Variants in TMEM132C observed in about 807,000 individuals in gnomAD.
The protein encoded by TMEM132C is transmembrane protein 132C, also known as protein phosphatase 1, regulatory subunit 152.
A neutral mutation model predicts 61.4 loss-of-function variants in TMEM132C; 29 were observed. The observed-to-expected ratio is 0.47, with a 90% confidence interval of 0.35 to 0.64. The LOEUF is 0.64. Among genes scored for constraint, TMEM132C ranks in the 30% least tolerant of loss-of-function variants. TMEM132C has a pLI of 0.00. For synonymous variants in TMEM132C, 656 were observed against 633.1 expected (o/e 1.04, Z -0.54); for missense variants, 1,408 against 1,476.9 (o/e 0.95, Z 0.76).
At chr12:128,682,704 G>GCA (rs1954645652) in intron 5 of TMEM132C, among the ~76,000 whole-genome samples, 1 of 152,186 alleles carries the variant, frequency 6.6e-6, no homozygotes, top group Non-Finnish European at 1.5e-5. Flanking sequence ...GGAGTGGTGT[G>GCA]CACACACTCT....
chr12:128,663,106 A>G (rs1391783568), intron 4 of TMEM132C, among the ~76,000 whole-genome samples: 1 of 152,242 alleles, frequency 6.6e-6, no homozygotes, highest in Admixed American at 6.5e-5. Flanking sequence ...TATAATTCTC[A>G]TGCCATAAAA....
At chr12:128,318,237 C>T (rs1371742004) in intron 1 of TMEM132C, among the ~76,000 whole-genome samples, 3 of 152,086 alleles carry the variant, frequency 2.0e-5, no homozygotes, top group African/African-American at 7.2e-5. Flanking sequence ...GTTTCCTTTT[C>T]TTTTTTGCTG....
rs1012595287 is a variant in TMEM132C at position 128,634,159 on chromosome 12, G to A, written c.1305+17824G>A. On this transcript the variant is annotated intron_variant, in intron 4 of 8. Coordinates refer to ENST00000435159, the MANE Select transcript of TMEM132C (RefSeq NM_001136103.3). ...CGTGATCACAGCTCACTGCATCCTC[G>A]AACTCCTGGGTTCCAGTGATCCTCC... Among the ~76,000 whole-genome samples the A allele has an allele frequency of 2.0e-5, 3 of 152,160 alleles. 1 individual carries two copies. The highest frequency in any genetic ancestry group is 1.3e-4 in the Admixed American group (2 of 15,272).
In TMEM132C at chr12:128,657,185, C is replaced by T. The variant is rs575368603; in HGVS notation, c.1306-12232C>T. 2.6e-5 allele frequency among the ~76,000 whole-genome samples: 4 copies of T among 152,308 alleles called. No homozygotes were observed. In the South Asian group the frequency reaches 6.2e-4, roughly 24 times the overall value. On this transcript the variant is annotated intron_variant, in intron 4 of 8. Transcript: ENST00000435159. ...CCAAACATTTTGTCATACTTGTGAA[C>T]TCCCTCACCTCTCTGGAATTTGGGA...
chr12:128,470,617 C>T (rs1456077012), intron 2 of TMEM132C, among the ~76,000 whole-genome samples: 1 of 152,178 alleles, frequency 6.6e-6, no homozygotes, highest in African/African-American at 2.4e-5. Flanking sequence ...AGTCAAATCC[C>T]ATTGATACAT....
chr12:128,574,479 A>G (rs1049687949), intron 3 of TMEM132C, among the ~76,000 whole-genome samples: 9 of 152,226 alleles, frequency 5.9e-5, no homozygotes, highest in African/African-American at 1.9e-4. Flanking sequence ...ACTTTTGCAC[A>G]TGACTTCTTG....
chr12:128,435,431 T>C (rs1004120412), intron 2 of TMEM132C, among the ~76,000 whole-genome samples: 1 of 152,216 alleles, frequency 6.6e-6, no homozygotes, highest in African/African-American at 2.4e-5. Flanking sequence ...CTCCTTAAGC[T>C]GATAAGCAAC....
chr12:128,504,219 C>T (rs1341202511), intron 2 of TMEM132C, among the ~76,000 whole-genome samples: 3 of 152,114 alleles, frequency 2.0e-5, no homozygotes, highest in Non-Finnish European at 4.4e-5. Flanking sequence ...CCTGAATAAC[C>T]ATTGATGACC....
intron 1 of TMEM132C, among the ~76,000 whole-genome samples, chr12:128,338,777 T>TATATATATATATATATATA (rs1565905368): frequency 5.4e-5 from 8 of 149,158 alleles, no homozygotes; most frequent in African/African-American, 1.8e-4. Flanking sequence ...TATATATATA[T>TATATATATATATATATATA]TTTGCACAAA....
intron 2 of TMEM132C, among the ~76,000 whole-genome samples, chr12:128,441,890 T>C (rs1472742332): frequency 6.6e-6 from 1 of 151,880 alleles, no homozygotes; most frequent in African/African-American, 2.4e-5. Context: ...TAATCCCAGC[T>C]ACTTGGGAGG....
At chr12:128,471,396 C>T (rs907115173) in intron 2 of TMEM132C, among the ~76,000 whole-genome samples, 1 of 152,170 alleles carries the variant, frequency 6.6e-6, no homozygotes, top group Non-Finnish European at 1.5e-5. Flanking sequence ...AGTTGCTGCT[C>T]AAAGAATCAA....
Position 128,267,186 on chromosome 12 carries a change from C to G in TMEM132C, c.-217C>G, listed in dbSNP as rs948250027. On this transcript the variant is annotated 5_prime_UTR_variant, in exon 1 of 9. Transcript: ENST00000435159. ...GCTGCGGGAGAAAAGTTGTCCCGGC[C>G]GGAGCGCGAGCAGCGGCGGAGCCGG... is the stretch of plus-strand genomic sequence containing the variant. Among the ~76,000 whole-genome samples the G allele has an allele frequency of 1.4e-5, 2 of 146,524 alleles. No homozygotes were observed. The highest frequency in any genetic ancestry group is 2.1e-4 in the South Asian group (1 of 4,776).
chr12:128,446,630 T>G (rs891137195), intron 2 of TMEM132C, among the ~76,000 whole-genome samples: 4 of 152,194 alleles, frequency 2.6e-5, no homozygotes, highest in African/African-American at 9.7e-5. Flanking sequence ...TTAAGTAGAT[T>G]AGCTTTGCAG....
intron 2 of TMEM132C, among the ~76,000 whole-genome samples, chr12:128,524,565 A>G (rs917336389): frequency 6.6e-6 from 1 of 152,136 alleles, no homozygotes; most frequent in African/African-American, 2.4e-5. Flanking sequence ...GGTAGAATTC[A>G]TCAAACAGGA....
chr12:128,320,632 G>C (rs778712710), intron 1 of TMEM132C, among the ~76,000 whole-genome samples: 1 of 151,970 alleles, frequency 6.6e-6, no homozygotes, highest in Non-Finnish European at 1.5e-5. Context: ...AGTCAGGAGT[G>C]TTGGCTCATG....
rs1872546920 is a variant in TMEM132C at position 128,510,961 on chromosome 12, A to C, written c.975-32996A>C. Among the ~76,000 whole-genome samples, 3 of 152,146 alleles carry C rather than the reference A, an allele frequency of 2.0e-5. No individual in the cohort carries two copies. The South Asian group carries it at 6.2e-4, about 32-fold the overall frequency. On this transcript the variant is annotated intron_variant, in intron 2 of 8. Transcript: ENST00000435159. ...GTCCACGTTGCTTTCCAGTAACTCC[A>C]TGTTACATTTCTCCTGGCTGATAGC...
intron 1 of TMEM132C, among the ~76,000 whole-genome samples, chr12:128,351,200 T>C (rs1873326912): frequency 6.6e-6 from 1 of 151,890 alleles, no homozygotes. Context: ...TGTTGAAGAG[T>C]CTGGGGCCAA....
chr12:128,663,098 T>C lies in TMEM132C; in HGVS notation c.1306-6319T>C, dbSNP rs761768384. Among the ~76,000 whole-genome samples the C allele has an allele frequency of 2.6e-5, 4 of 152,234 alleles. 1 individual carries two copies. The highest frequency in any genetic ancestry group is 1.3e-4 in the Admixed American group (2 of 15,288). Reference sequence around the variant, plus strand: ...CTTTCCTTTCTTTTTTATAGAGATATAATTCTCATGCCATAAAATGTACTG... The same window carrying C: ...CTTTCCTTTCTTTTTTATAGAGATACAATTCTCATGCCATAAAATGTACTG... On this transcript the variant is annotated intron_variant, in intron 4 of 8. Coordinates refer to ENST00000435159, the MANE Select transcript of TMEM132C (RefSeq NM_001136103.3).
At chr12:128,275,953 G>A (rs1297179038) in intron 1 of TMEM132C, among the ~76,000 whole-genome samples, 6 of 152,086 alleles carry the variant, frequency 3.9e-5, no homozygotes. Flanking sequence ...CTCTTGGCTT[G>A]TGGCAGCATC....
Sources: gnomAD v4.1 joint callset for allele counts (sites outside exome capture counted in the v4.1 genomes callset) on GRCh38, gnomAD v4.1.1 for gene constraint, MANE v1.5 for transcripts, NCBI Gene and HGNC (gene_info 2026-07-23, HGNC 2026-07-21) for gene names.